Variants in RBFOX1 observed in about 807,000 individuals in gnomAD.
The protein encoded by RBFOX1 is RNA binding fox-1 homolog 1.
RBFOX1 carries 8 observed loss-of-function variants against 57.7 expected under a neutral mutation model. That is an observed-to-expected ratio of 0.14 (90% confidence interval 0.08 to 0.25). The LOEUF (loss-of-function observed/expected upper bound fraction) is 0.25, where lower values mean the gene tolerates loss of function less well. Among genes scored for constraint, RBFOX1 ranks in the 10% least tolerant of loss-of-function variants. RBFOX1 has a pLI of 1.00. For missense variants in RBFOX1, 611 were observed against 548.5 expected, an observed-to-expected ratio of 1.11 and a Z score of -1.14; for synonymous variants, 326 against 222.4, an observed-to-expected ratio of 1.47 and a Z score of -4.15.
chr16:6,808,692 A>G (rs1265005734), intron 3 of RBFOX1, among the ~76,000 whole-genome samples: 1 of 152,118 alleles, frequency 6.6e-6, no homozygotes, highest in Non-Finnish European at 1.5e-5. Flanking sequence ...GTGAAGAGTA[A>G]TGCTTCCTCC....
At chr16:6,790,924 G>A (rs554069975) in intron 3 of RBFOX1, among the ~76,000 whole-genome samples, 1 of 145,608 alleles carries the variant, frequency 6.9e-6, no homozygotes, top group South Asian at 2.2e-4. Flanking sequence ...TTTTTTTTTT[G>A]CAATGGGGTC....
chr16:7,533,428 C>T (rs1424716301), intron 5 of RBFOX1, among the ~76,000 whole-genome samples: 2 of 152,098 alleles, frequency 1.3e-5, no homozygotes, highest in Admixed American at 1.3e-4. Context: ...AAAAAAAAAT[C>T]CTTTAAAATT....
intron 4 of RBFOX1, among the ~76,000 whole-genome samples, chr16:5,971,897 T>C (rs2059968273): frequency 1.3e-5 from 2 of 152,204 alleles, no homozygotes; most frequent in Admixed American, 1.3e-4. Context: ...CTCCATGTAA[T>C]GTGGGTGGGC....
chr16:6,510,156 T>A (rs1397558149), intron 2 of RBFOX1, among the ~76,000 whole-genome samples: 1 of 152,038 alleles, frequency 6.6e-6, no homozygotes, highest in Non-Finnish European at 1.5e-5. Context: ...AAGAGAAGAG[T>A]GGAAACATAT....
chr16:7,693,444 A>G lies in RBFOX1; in HGVS notation c.996-15612A>G, dbSNP rs1272707559. The G allele has an allele frequency of 3.4e-5, 36 of 1,049,570 alleles. No homozygotes were observed. In the East Asian group the frequency reaches 8.3e-4, roughly 24 times the overall value. The allele number at this position is 1,049,570 out of a possible 1,614,324, so 65.0% of individuals were successfully genotyped here. A position where few individuals can be genotyped will look rare whatever the true frequency, so the allele number is the denominator to read the frequency against. The stretch of plus-strand genomic sequence containing the variant: ...TTTTTTTTTTTTTTTTCTTCTTCAC[A>G]TGCTGCAGTTGGTCACTCTAGAAAG... On this transcript the variant is annotated intron_variant, in intron 14 of 15. Coordinates refer to ENST00000550418, the MANE Select transcript of RBFOX1 (RefSeq NM_018723.4).
At chr16:5,467,970 C>G (rs1471069178) in intron 2 of RBFOX1, among the ~76,000 whole-genome samples, 1 of 151,908 alleles carries the variant, frequency 6.6e-6, no homozygotes, top group South Asian at 2.1e-4. Context: ...CATGGCTGGC[C>G]CTTGAGTGGA....
intron 3 of RBFOX1, among the ~76,000 whole-genome samples, chr16:6,906,180 G>A (rs1020133421): frequency 5.9e-5 from 9 of 151,894 alleles, no homozygotes; most frequent in East Asian, 5.8e-4. Context: ...TAGAGAAAAC[G>A]TCGAAGCAGA....
intron 2 of RBFOX1, among the ~76,000 whole-genome samples, chr16:6,590,068 A>C (rs2097689124): frequency 1.3e-5 from 2 of 152,226 alleles, no homozygotes; most frequent in Admixed American, 6.5e-5. Flanking sequence ...GAGAAAAGAT[A>C]ACTGAAACAG....
intron 2 of RBFOX1, among the ~76,000 whole-genome samples, chr16:6,644,099 C>A (rs75264062): frequency 0.12 from 17,824 of 152,182 alleles, 2,015 homozygotes; most frequent in African/African-American, 0.29. Flanking sequence ...GCACTCCAAC[C>A]TGGGCAACAG....
intron 4 of RBFOX1, among the ~76,000 whole-genome samples, chr16:7,191,339 GAAA>G (rs71147668): frequency 2.8e-5 from 4 of 142,828 alleles, no homozygotes; most frequent in African/African-American, 1.0e-4. Context: ...GACAAAAAAA[GAAA>G]AAAAAAAAAA....
At chr16:7,302,022 C>A (rs1171459160) in intron 4 of RBFOX1, among the ~76,000 whole-genome samples, 1 of 152,142 alleles carries the variant, frequency 6.6e-6, no homozygotes, top group Non-Finnish European at 1.5e-5. Flanking sequence ...CAACGTACAG[C>A]AAACGTTTTT....
intron 1 of RBFOX1, among the ~76,000 whole-genome samples, chr16:6,279,551 G>A (rs1401203997): frequency 6.6e-6 from 1 of 152,154 alleles, no homozygotes; most frequent in East Asian, 1.9e-4. Context: ...CCTCTGATAC[G>A]CTTGTGTAAG....
At chr16:6,876,727 C>T (rs189058198) in intron 3 of RBFOX1, among the ~76,000 whole-genome samples, 1 of 152,002 alleles carries the variant, frequency 6.6e-6, no homozygotes, top group Non-Finnish European at 1.5e-5. Flanking sequence ...CAAGAGAGAA[C>T]CCATAGTCCC....
At chr16:6,927,680 C>CT (rs1423710356) in intron 3 of RBFOX1, among the ~76,000 whole-genome samples, 5 of 151,782 alleles carry the variant, frequency 3.3e-5, no homozygotes, top group Non-Finnish European at 5.9e-5. Context: ...ACCTGCTGCC[C>CT]TTTGGGGGAG....
intron 1 of RBFOX1, among the ~76,000 whole-genome samples, chr16:6,122,118 C>G (rs2096554715): frequency 6.6e-6 from 1 of 152,140 alleles, no homozygotes; most frequent in African/African-American, 2.4e-5. Context: ...GTTGGCAAGG[C>G]TGGTCTCGAA....
At chr16:6,200,111 G>C (rs1243420401) in intron 1 of RBFOX1, among the ~76,000 whole-genome samples, 1 of 152,148 alleles carries the variant, frequency 6.6e-6, no homozygotes, top group Non-Finnish European at 1.5e-5. Context: ...ATTGGAAAGG[G>C]AGCCAAATTG....
At chr16:5,742,331 C>CCTCT (rs1462577409) in intron 3 of RBFOX1, among the ~76,000 whole-genome samples, 5 of 144,116 alleles carry the variant, frequency 3.5e-5, no homozygotes, top group Non-Finnish European at 7.6e-5. Context: ...TTCCTCCCTT[C>CCTCT]CTTCCTCTCC....
chr16:6,775,618 C>A (rs2079190892), intron 3 of RBFOX1: 1 of 152,124 alleles, frequency 6.6e-6, no homozygotes, highest in Admixed American at 6.5e-5. Flanking sequence ...ATCGAGACAG[C>A]CCTCTCCCTC....
At chr16:7,189,734 G>A (rs370882566) in intron 4 of RBFOX1, among the ~76,000 whole-genome samples, 2 of 152,212 alleles carry the variant, frequency 1.3e-5, no homozygotes, top group South Asian at 2.1e-4. Context: ...AGCAGTTCCC[G>A]TGGTTCCCAC....
Sources: gnomAD v4.1 joint callset for allele counts (sites outside exome capture counted in the v4.1 genomes callset) on GRCh38, gnomAD v4.1.1 for gene constraint, MANE v1.5 for transcripts, NCBI Gene and HGNC (gene_info 2026-07-23, HGNC 2026-07-21) for gene names.